FRYL: variants seen among roughly 807,000 people sequenced by gnomAD.
The protein encoded by FRYL is FRY like transcription coactivator, also known as protein furry homolog-like.
Under a neutral mutation model 351.2 loss-of-function variants are expected in FRYL, and 150 were observed. The observed-to-expected ratio is 0.43, with a 90% CI of 0.37 to 0.49. The LOEUF is 0.49. Among genes scored for constraint, FRYL ranks in the 20% least tolerant of loss-of-function variants. The pLI is 0.00. For synonymous variants in FRYL, 1,153 were observed against 1,257.1 expected, an observed-to-expected ratio of 0.92 and a Z score of 1.75; for missense variants, 3,036 against 3,619.3, an observed-to-expected ratio of 0.84 and a Z score of 4.13.
intron 3 of FRYL, among the ~76,000 whole-genome samples, chr4:48,635,770 G>C (rs140024303): frequency 1.3e-5 from 2 of 152,254 alleles, no homozygotes; most frequent in African/African-American, 4.8e-5. Context: ...GGGAGAATCT[G>C]CAAGTTTGTG....
chr4:48,715,703 G>A (rs1768725957), intron 1 of FRYL, among the ~76,000 whole-genome samples: 1 of 152,150 alleles, frequency 6.6e-6, no homozygotes, highest in South Asian at 2.1e-4. Context: ...ACTGCCCAAG[G>A]TAATTTATAC....
chr4:48,523,004 C>A lies in FRYL; in HGVS notation c.7418G>T (p.Ser2473Ile), dbSNP rs373525885. 2.3e-5 allele frequency: 37 copies of A among 1,613,718 alleles called. No individual in the cohort carries two copies. In the African/African-American group the frequency reaches 3.5e-4, roughly 15 times the overall value. ...TPSLQEYQCS[S>I]STPSLNLTNQ... ...GGTGAGGTTCAGGCTGGGGGTGCTA[C>A]TAGAGCACTGGTACTCCTGGAGGGA... Residue 2473 changes from serine (S) to isoleucine (I), a missense_variant, in exon 54 of 64, where the codon AGT becomes ATT. By Grantham distance (142) the Ser-to-Ile change is moderately radical. This residue lies in a region of FRYL where 1,987 missense variants were observed against 2,311.7 expected (regional missense o/e 0.86). Coordinates refer to ENST00000358350, the MANE Select transcript of FRYL (RefSeq NM_015030.2).
In FRYL at chr4:48,570,985, T is replaced by C. The variant is rs1738188169; in HGVS notation, c.2905-67A>G. Reference sequence around the variant, plus strand: ...TGTAACTTGGAAAGAATAATGTGACTGCCTCAGAGAGAGGTTCTGGGCTCA... The same window carrying C: ...TGTAACTTGGAAAGAATAATGTGACCGCCTCAGAGAGAGGTTCTGGGCTCA... On this transcript the variant is annotated intron_variant, in intron 26 of 63. Coordinates refer to ENST00000358350, the MANE Select transcript of FRYL (RefSeq NM_015030.2). The C allele has an allele frequency of 4.7e-6, 6 of 1,270,692 alleles. No individual in the cohort carries two copies. In the South Asian group the frequency reaches 7.3e-5, roughly 15 times the overall value. The allele number at this position is 1,270,692 out of a possible 1,614,324, so 78.7% of individuals were successfully genotyped here. A position where few individuals can be genotyped will look rare whatever the true frequency, so the allele number is the denominator to read the frequency against.
intron 60 of FRYL, 110 bp from the exon 61 acceptor site, chr4:48,502,955 G>T: frequency 1.3e-6 from 1 of 785,606 alleles, no homozygotes; most frequent in Non-Finnish European, 2.1e-6. Context: ...GTAAACTGAA[G>T]AACATATATT....
intron 1 of FRYL, among the ~76,000 whole-genome samples, chr4:48,732,558 A>G (rs1442031978): frequency 6.6e-6 from 1 of 152,228 alleles, no homozygotes; most frequent in East Asian, 1.9e-4. Context: ...TGCATAAAGA[A>G]AATGTGGCAC....
At chr4:48,624,588 T>A (rs1038460276) in intron 4 of FRYL, among the ~76,000 whole-genome samples, 17 of 152,314 alleles carry the variant, frequency 1.1e-4, no homozygotes, top group Non-Finnish European at 1.8e-4. Context: ...GATGCTATCT[T>A]GCAATGGGTT....
intron 18 of FRYL, among the ~76,000 whole-genome samples, chr4:48,588,355 G>A (rs1179377585): frequency 1.3e-5 from 2 of 152,084 alleles, no homozygotes; most frequent in Admixed American, 6.5e-5. Flanking sequence ...CAGAAATAGG[G>A]CTCAGTCACC....
intron 7 of FRYL, among the ~76,000 whole-genome samples, chr4:48,610,952 A>G (rs1001013703): frequency 1.5e-4 from 23 of 151,730 alleles, no homozygotes; most frequent in Non-Finnish European, 2.7e-4. Flanking sequence ...TAGTACTACA[A>G]TAAACATCTT....
chr4:48,601,927 T>A, intron 13 of FRYL, 93 bp downstream of exon 13: 1 of 670,820 alleles, frequency 1.5e-6, no homozygotes, highest in Non-Finnish European at 2.6e-6. Context: ...ATACCAATAG[T>A]AACAAAAGTT....
chr4:48,524,180 C>A (rs933861173), intron 53 of FRYL, among the ~76,000 whole-genome samples: 63 of 137,822 alleles, frequency 4.6e-4, no homozygotes, highest in Middle Eastern at 3.6e-3. Flanking sequence ...GTTTTCAAAT[C>A]TTTTTTTTTT....
At chr4:48,671,858 C>CAAAAACA (rs1762754565) in intron 3 of FRYL, among the ~76,000 whole-genome samples, 3 of 22,400 alleles carry the variant, frequency 1.3e-4, no homozygotes, top group Non-Finnish European at 2.7e-4. Context: ...GTCTCAAAAA[C>CAAAAACA]AAAAAAAAAA....
In FRYL at chr4:48,605,784, G is replaced by A. The variant is rs1746661028; in HGVS notation, c.791C>T (p.Ala264Val). 4 of 1,608,948 alleles carry A rather than the reference G, an allele frequency of 2.5e-6. No individual in the cohort carries two copies. Among genetic ancestry groups the A allele is most frequent in the Non-Finnish European group, 3.4e-6 (4 of 1,176,210 alleles). ...AATCTCCACAAATAAACCAGCAAGTGCATGTTTTATATCTTTATCTTTCAC... is the reference window on the plus strand; with the variant it reads ...AATCTCCACAAATAAACCAGCAAGTACATGTTTTATATCTTTATCTTTCAC... ...LEVKDKDIKH[A>V]LAGLFVEILI... Residue 264 changes from alanine to valine, a missense_variant, in exon 11 of 64, where the codon GCA becomes GTA. Transcript: ENST00000358350.
At position 48,619,311 on chromosome 4, in the gene FRYL, A is replaced by T; in HGVS notation, c.374T>A (p.Phe125Tyr). 1 of 1,609,780 alleles carries T rather than the reference A, an allele frequency of 6.2e-7. No individual in the cohort carries two copies. The change falls in exon 7 of 64, where the codon TTC becomes TAC. Residue 125 changes from phenylalanine to tyrosine, a missense_variant. Around this residue, in one of 7 missense-constraint regions of FRYL, gnomAD observed 457 missense variants for 566.6 expected, o/e 0.81. Coordinates refer to ENST00000358350, the MANE Select transcript of FRYL (RefSeq NM_015030.2). ...LLERRDLAVD[F>Y]IFCLVLVEVL... is the part of the protein sequence containing the mutation. ...TTCAACTAAAACTAAACAAAAAATG[A>T]AGTCTACTGCTAAGTCCCTCCTTTC...
intron 13 of FRYL, among the ~76,000 whole-genome samples, chr4:48,600,061 C>T (rs1454890052): frequency 1.3e-5 from 2 of 151,470 alleles, no homozygotes; most frequent in African/African-American, 2.4e-5. Context: ...GAGCCGAGAT[C>T]ATTCCACTGC....
At chr4:48,644,447 AT>A (rs1231564148) in intron 3 of FRYL, among the ~76,000 whole-genome samples, 1 of 151,586 alleles carries the variant, frequency 6.6e-6, no homozygotes, top group African/African-American at 2.4e-5. Context: ...AGAACATAAT[AT>A]AACAATAATC....
chr4:48,601,981 A>T (rs746683151), intron 13 of FRYL, 39 bp downstream of exon 13: 1 of 1,148,012 alleles, frequency 8.7e-7, no homozygotes, highest in South Asian at 1.3e-5. Context: ...AAAATATACC[A>T]GTCAGTATTT....
chr4:48,593,433 C>T (rs1259730080), intron 16 of FRYL, among the ~76,000 whole-genome samples: 2 of 152,122 alleles, frequency 1.3e-5, no homozygotes, highest in Non-Finnish European at 2.9e-5. Flanking sequence ...CAACCTCTGC[C>T]TCCCAGGTTC....
chr4:48,520,041 T>A (rs1249969564), intron 55 of FRYL, among the ~76,000 whole-genome samples: 1 of 152,084 alleles, frequency 6.6e-6, no homozygotes, highest in Non-Finnish European at 1.5e-5. Flanking sequence ...TGAAATGAAA[T>A]TTTTTTAAAA....
At chr4:48,725,132 T>C (rs1457246749) in intron 1 of FRYL, among the ~76,000 whole-genome samples, 1 of 152,206 alleles carries the variant, frequency 6.6e-6, no homozygotes, top group Non-Finnish European at 1.5e-5. Flanking sequence ...ATCTGAAACT[T>C]CTGAATTTTC....
Sources: gnomAD v4.1 joint callset for allele counts (sites outside exome capture counted in the v4.1 genomes callset) on GRCh38, gnomAD v4.1.1 for gene constraint, gnomAD v4.1.1 regional missense constraint, MANE v1.5 for transcripts, NCBI Gene and HGNC (gene_info 2026-07-23, HGNC 2026-07-21) for gene names.